The following SNX29 variants were observed in gnomAD, a reference collection of about 807,000 sequenced individuals.
SNX29 encodes the protein sorting nexin 29, also known as sorting nexin-29.
In SNX29, 78 loss-of-function variants were observed where a neutral mutation model predicts 102.1. That is an observed-to-expected ratio of 0.76 (90% CI 0.64 to 0.92). The LOEUF is 0.92. SNX29 is among the 40% of genes least tolerant of loss of function. The pLI, the probability that SNX29 is intolerant of heterozygous loss-of-function variation, is 0.00. For missense variants in SNX29, 1,280 were observed against 1,061.7 expected (o/e 1.21, Z -2.86); for synonymous variants, 580 against 414.5 (o/e 1.40, Z -4.85).
chr16:12,567,379 C>G (rs1053588797), intron 20 of SNX29, among the ~76,000 whole-genome samples: 1 of 152,134 alleles, frequency 6.6e-6, no homozygotes, highest in East Asian at 1.9e-4. Context: ...AACATTTTAT[C>G]CCAGTGAGGT....
chr16:12,503,146 G>A (rs1433032920), intron 19 of SNX29, among the ~76,000 whole-genome samples: 1 of 150,294 alleles, frequency 6.7e-6, no homozygotes, highest in Non-Finnish European at 1.5e-5. Flanking sequence ...ACACCCCCCT[G>A]CCCATACCCT....
intron 15 of SNX29, among the ~76,000 whole-genome samples, chr16:12,287,550 C>T (rs994240766): frequency 2.6e-5 from 4 of 152,166 alleles, no homozygotes; most frequent in African/African-American, 7.2e-5. Flanking sequence ...CAAAGCACAA[C>T]GTTGATTTCA....
intron 14 of SNX29, among the ~76,000 whole-genome samples, chr16:12,254,116 G>A (rs143194255): frequency 6.6e-6 from 1 of 152,176 alleles, no homozygotes; most frequent in Non-Finnish European, 1.5e-5. Context: ...CCGAGCAGGA[G>A]CTTGGGTACA....
At chr16:12,543,959 C>G (rs546054935) in intron 20 of SNX29, among the ~76,000 whole-genome samples, 3 of 152,304 alleles carry the variant, frequency 2.0e-5, no homozygotes, top group Admixed American at 6.5e-5. Context: ...AGCCTATCTG[C>G]TGGGAGAAAT....
chr16:12,463,850 GTGT>G (rs1410592905), intron 18 of SNX29, among the ~76,000 whole-genome samples: 1 of 142,842 alleles, frequency 7.0e-6, no homozygotes, highest in African/African-American at 2.6e-5. Context: ...GTGTGTGTGT[GTGT>G]GAGAGATGAC....
intron 14 of SNX29, among the ~76,000 whole-genome samples, chr16:12,215,397 T>C (rs1416860228): frequency 6.6e-6 from 1 of 152,066 alleles, no homozygotes; most frequent in African/African-American, 2.4e-5. Context: ...ATGTAAGTAT[T>C]AGATTGTTAT....
At chr16:12,563,390 C>T (rs1396614742) in intron 20 of SNX29, among the ~76,000 whole-genome samples, 1 of 152,176 alleles carries the variant, frequency 6.6e-6, no homozygotes, top group Non-Finnish European at 1.5e-5. Flanking sequence ...TTACCCGTAA[C>T]CATGAAAATA....
chr16:12,455,028 A>G (rs766932302), intron 18 of SNX29, among the ~76,000 whole-genome samples: 2 of 152,196 alleles, frequency 1.3e-5, no homozygotes, highest in Non-Finnish European at 2.9e-5. Flanking sequence ...GATTACAGGC[A>G]TGAGCCATCA....
intron 20 of SNX29, among the ~76,000 whole-genome samples, chr16:12,531,662 T>A (rs1377751362): frequency 6.6e-6 from 1 of 151,804 alleles, no homozygotes; most frequent in Non-Finnish European, 1.5e-5. Flanking sequence ...AGATGCCGAG[T>A]TTTGAGGCTG....
intron 13 of SNX29, among the ~76,000 whole-genome samples, chr16:12,136,742 T>C (rs989325255): frequency 1.3e-5 from 2 of 150,004 alleles, no homozygotes; most frequent in African/African-American, 5.1e-5. Context: ...TTTGTTGTTA[T>C]TGTTGTTGTT....
At chr16:12,156,728 C>T (rs935515952) in intron 13 of SNX29, among the ~76,000 whole-genome samples, 1 of 152,262 alleles carries the variant, frequency 6.6e-6, no homozygotes, top group African/African-American at 2.4e-5. Flanking sequence ...GGCTGTCCAG[C>T]CGACTTGGCC....
intron 13 of SNX29, among the ~76,000 whole-genome samples, chr16:12,167,964 C>G (rs995905090): frequency 2.6e-5 from 4 of 152,176 alleles, no homozygotes; most frequent in Non-Finnish European, 4.4e-5. Context: ...AAAGAGCTCA[C>G]CTGGCACCCT....
chr16:12,268,752 A>T (rs909205792), intron 14 of SNX29, among the ~76,000 whole-genome samples: 1 of 152,202 alleles, frequency 6.6e-6, no homozygotes, highest in African/African-American at 2.4e-5. Context: ...CACTGTTTGC[A>T]TCTGGGTCAT....
intron 19 of SNX29, among the ~76,000 whole-genome samples, chr16:12,478,898 CAAG>C (rs1260031861): frequency 1.3e-5 from 2 of 152,140 alleles, no homozygotes; most frequent in African/African-American, 4.8e-5. Context: ...GGCTTAGAGT[CAAG>C]AAGGAGACAG....
intron 15 of SNX29, among the ~76,000 whole-genome samples, chr16:12,282,045 C>T (rs1262499416): frequency 7.6e-6 from 1 of 131,984 alleles, no homozygotes; most frequent in Non-Finnish European, 1.5e-5. Context: ...GATCATGGCT[C>T]TGCACTCCAA....
At chr16:12,151,206 T>C (rs1317885956) in intron 13 of SNX29, among the ~76,000 whole-genome samples, 2 of 152,194 alleles carry the variant, frequency 1.3e-5, no homozygotes, top group African/African-American at 4.8e-5. Flanking sequence ...TGTTTTTTGC[T>C]TAACAACTTA....
intron 20 of SNX29, among the ~76,000 whole-genome samples, chr16:12,544,499 T>G (rs577762384): frequency 6.6e-6 from 1 of 152,346 alleles, no homozygotes; most frequent in East Asian, 1.9e-4. Flanking sequence ...GGCTGGGGTC[T>G]AGATGGCATT....
At position 12,003,024 on chromosome 16, in the gene SNX29, G is replaced by T; in HGVS notation, c.103G>T (p.Ala35Ser). The change falls in exon 3 of 21, where the codon GCC (alanine) becomes TCC (serine). Residue 35 changes from alanine (A) to serine (S), a missense_variant. Ala to Ser is a moderately conservative substitution (Grantham distance 99). Coordinates refer to ENST00000566228, the MANE Select transcript of SNX29 (RefSeq NM_032167.5). ...QIRFGGRKEI[A>S]SDSDSRVTCL... ...CCGCTTTGGAGGGAGAAAGGAGATT[G>T]CCTCGGATTCCGACAGCAGGTAAAT... 6.2e-7 allele frequency: 1 copy of T among 1,614,190 alleles called. No homozygotes were observed. The highest frequency in any genetic ancestry group is 8.5e-7 in the Non-Finnish European group (1 of 1,180,038).
chr16:12,429,356 A>C (rs1012247491), intron 18 of SNX29, among the ~76,000 whole-genome samples: 8 of 152,170 alleles, frequency 5.3e-5, no homozygotes, highest in African/African-American at 1.9e-4. Flanking sequence ...ATCTCCTTCT[A>C]GCTTTTCTTC....
Sources: allele counts gnomAD v4.1 joint callset (sites outside exome capture counted in the v4.1 genomes callset), GRCh38; gene constraint gnomAD v4.1.1; transcripts MANE v1.5; gene names NCBI Gene and HGNC (gene_info 2026-07-23, HGNC 2026-07-21).